The following TBC1D8 variants were observed in gnomAD, a reference collection of about 807,000 sequenced individuals.
The protein encoded by TBC1D8 is BUB2-like protein 1.
In TBC1D8, 65 loss-of-function variants were observed where a neutral mutation model predicts 118.8. That is an observed-to-expected ratio of 0.55 (90% CI 0.45 to 0.67). The LOEUF is 0.67. Ranked by LOEUF, TBC1D8 falls within the 30% of genes least tolerant of loss-of-function variation. The pLI is 0.00. For missense variants in TBC1D8, 1,376 were observed against 1,471.2 expected (o/e 0.94, Z 1.06); for synonymous variants, 566 against 595.8 (o/e 0.95, Z 0.73).
At position 101,056,491 on chromosome 2, in the gene TBC1D8, C is replaced by A. The variant is rs150396381; in HGVS notation, c.403-2155G>T. ...GATTATAGGCGTGAGCCACCGCGCC[C>A]GGCCTAGAATTATTTTTAAAAGAAA... On this transcript the variant is annotated intron_variant, in intron 3 of 19. Transcript: ENST00000409318. 8.5e-4 allele frequency among the ~76,000 whole-genome samples: 129 copies of A among 152,218 alleles called. 5 individuals are homozygous for A. In the East Asian group the frequency reaches 0.023, roughly 27 times the overall value.
At chr2:101,016,669 C>T (rs1415950501) in intron 17 of TBC1D8, among the ~76,000 whole-genome samples, 1 of 152,146 alleles carries the variant, frequency 6.6e-6, no homozygotes, top group African/African-American at 2.4e-5. Flanking sequence ...GACTTGGAAC[C>T]AACCCAAATG....
intron 1 of TBC1D8, among the ~76,000 whole-genome samples, chr2:101,121,113 A>G (rs1401969814): frequency 6.6e-6 from 1 of 152,262 alleles, no homozygotes; most frequent in East Asian, 1.9e-4. Context: ...TTCTAAGAAA[A>G]TATATTAAAG....
chr2:101,143,197 G>C (rs1679186979), intron 1 of TBC1D8, among the ~76,000 whole-genome samples: 1 of 151,574 alleles, frequency 6.6e-6, no homozygotes, highest in Admixed American at 6.6e-5. Flanking sequence ...CAAGTGGCTG[G>C]GATTACAGGT....
chr2:101,065,757 A>G (rs1430235228), intron 2 of TBC1D8, among the ~76,000 whole-genome samples: 1 of 152,198 alleles, frequency 6.6e-6, no homozygotes, highest in Non-Finnish European at 1.5e-5. Context: ...AAAACAGACA[A>G]ACTTAATCTC....
chr2:101,138,450 T>G (rs551947254), intron 1 of TBC1D8, among the ~76,000 whole-genome samples: 36 of 152,264 alleles, frequency 2.4e-4, no homozygotes, highest in Middle Eastern at 3.4e-3. Flanking sequence ...CTGGAATTAG[T>G]GCAGGTTAAA....
rs1678799810 is a variant in TBC1D8, at chr2:101,007,351, A to G, written c.*470T>C. On this transcript the variant is annotated 3_prime_UTR_variant, in exon 20 of 20. Transcript: ENST00000409318. ...AACCAAATATATTAAAATGGTTTCA[A>G]TTACCAGCATTGAAACAGTGCAAAA... The G allele has an allele frequency of 6.4e-6, 1 of 155,168 alleles. No individual in the cohort carries two copies. Among genetic ancestry groups the G allele is most frequent in the Non-Finnish European group, 1.4e-5 (1 of 70,072 alleles). 9.6% of individuals were successfully genotyped at this position (155,168 alleles called of 1,614,324 possible). A position where few individuals can be genotyped will look rare whatever the true frequency, so the allele number is the denominator to read the frequency against.
At chr2:101,129,987 AC>A (rs1440593486) in intron 1 of TBC1D8, among the ~76,000 whole-genome samples, 1 of 151,858 alleles carries the variant, frequency 6.6e-6, no homozygotes, top group Non-Finnish European at 1.5e-5. Context: ...CAGTCAGTGG[AC>A]CTTTTCCTGG....
At chr2:101,079,188 G>T (rs1219628795) in intron 2 of TBC1D8, among the ~76,000 whole-genome samples, 1 of 152,104 alleles carries the variant, frequency 6.6e-6, no homozygotes, top group Non-Finnish European at 1.5e-5. Context: ...GAAACCCACA[G>T]CCCCAGTCAA....
chr2:101,125,301 T>A (rs1399080786), intron 1 of TBC1D8, among the ~76,000 whole-genome samples: 1 of 150,516 alleles, frequency 6.6e-6, no homozygotes, highest in Non-Finnish European at 1.5e-5. Context: ...AAAAATAGTT[T>A]AAAAAAAAAA....
At position 101,108,144 on chromosome 2, in the gene TBC1D8, G is replaced by T. The variant is rs191335073; in HGVS notation, c.128-17780C>A. Among the ~76,000 whole-genome samples the T allele has an allele frequency of 1.0e-3, 156 of 152,216 alleles. 2 individuals are homozygous for T. In the East Asian group the frequency reaches 0.014, roughly 14 times the overall value. On this transcript the variant is annotated intron_variant, in intron 1 of 19. Transcript: ENST00000409318. ...CCCTTGATATGAACTGATGAGAATG[G>T]CACTTTATCCCTGTGGTCTTCCTCT... is the stretch of plus-strand genomic sequence containing the variant.
chr2:101,032,541 C>T, intron 10 of TBC1D8, 156 bp from the exon 11 acceptor site: 1 of 604,438 alleles, frequency 1.7e-6, no homozygotes, highest in South Asian at 2.1e-5. Flanking sequence ...AGTGGAATGA[C>T]CGTGACAGCA....
At chr2:101,144,131 T>C (rs1679227707) in intron 1 of TBC1D8, among the ~76,000 whole-genome samples, 1 of 152,246 alleles carries the variant, frequency 6.6e-6, no homozygotes, top group African/African-American at 2.4e-5. Flanking sequence ...TTGTACTACT[T>C]GATGTCTACA....
chr2:101,089,968 A>T (rs1015853906), intron 2 of TBC1D8, among the ~76,000 whole-genome samples: 8 of 137,172 alleles, frequency 5.8e-5, no homozygotes, highest in African/African-American at 2.1e-4. Flanking sequence ...GCAAGGGTTG[A>T]GAGGGAGGGG....
intron 1 of TBC1D8, among the ~76,000 whole-genome samples, chr2:101,096,787 G>A (rs1367026551): frequency 8.0e-6 from 1 of 124,278 alleles, no homozygotes. Flanking sequence ...AGCAAAGTGA[G>A]AGAGAGGGGG....
intron 2 of TBC1D8, among the ~76,000 whole-genome samples, chr2:101,076,460 ATAGAG>A (rs2105442049): frequency 6.6e-6 from 1 of 152,366 alleles, no homozygotes; most frequent in Non-Finnish European, 1.5e-5. Context: ...GGCGCAGCCT[ATAGAG>A]TATTCTTCCT....
chr2:101,058,918 T>A lies in TBC1D8; in HGVS notation c.402+503A>T, dbSNP rs1015548034. Among the ~76,000 whole-genome samples the A allele has an allele frequency of 7.2e-5, 11 of 152,060 alleles. 1 individual carries two copies. The highest frequency in any genetic ancestry group is 2.1e-4 in the South Asian group (1 of 4,834). On this transcript the variant is annotated intron_variant, in intron 3 of 19. Coordinates refer to ENST00000409318, the MANE Select transcript of TBC1D8 (RefSeq NM_001330348.2). The stretch of plus-strand genomic sequence containing the variant: ...AAGTCTTTTTTATTTTTTATTTTTT[T>A]TTTTTGAGACAGAGTCTCACTTTGT...
intron 2 of TBC1D8, among the ~76,000 whole-genome samples, chr2:101,067,503 C>T (rs1442801560): frequency 6.6e-6 from 1 of 152,098 alleles, no homozygotes; most frequent in Non-Finnish European, 1.5e-5. Flanking sequence ...TTTAAATTTC[C>T]CAATGCATAT....
rs780172797 is a variant in TBC1D8 at position 101,019,040 on chromosome 2, G to A, written c.2827+2641C>T. On this transcript the variant is annotated intron_variant, in intron 17 of 19. Coordinates refer to ENST00000409318, the MANE Select transcript of TBC1D8 (RefSeq NM_001330348.2). ...GTTACAGTCGCCAAGAGCCCATAAA[G>A]GGAGCCCTCCTGGAAGTGGATGAGG... 2.2e-5 allele frequency: 35 copies of A among 1,611,254 alleles called. No individual in the cohort carries two copies. The Admixed American group carries it at 5.9e-4, about 27-fold the overall frequency.
At chr2:101,078,753 CAAAAAAAAA>C in intron 2 of TBC1D8, among the ~76,000 whole-genome samples, 28 of 108,100 alleles carry the variant, frequency 2.6e-4, no homozygotes, top group Admixed American at 6.0e-4. Context: ...CCTTTCTTAG[CAAAAAAAAA>C]AAAAAAAAAA....
Sources: allele counts gnomAD v4.1 joint callset (sites outside exome capture counted in the v4.1 genomes callset), GRCh38; gene constraint gnomAD v4.1.1; transcripts MANE v1.5; gene names NCBI Gene and HGNC (gene_info 2026-07-23, HGNC 2026-07-21).